Variants in FOXL3 observed in about 807,000 individuals in gnomAD.
The protein encoded by FOXL3 is forkhead box protein L3.
A neutral mutation model predicts 10.9 loss-of-function variants in FOXL3; 16 were observed. The ratio of observed to expected loss-of-function variants is 1.46; its 90% CI spans 0.99 to 2.22. FOXL3 has a LOEUF of 2.22. Ranked by LOEUF, FOXL3 falls within the 30% of genes most tolerant of loss-of-function variation. FOXL3 has a pLI of 0.00. For synonymous variants in FOXL3, 170 were observed against 152.0 expected (o/e 1.12, Z -0.87); for missense variants, 400 against 337.9 (o/e 1.18, Z -1.44).
At position 290,612 on chromosome 7, in the gene FOXL3, G is replaced by T. The variant is rs968353997; in HGVS notation, c.108-41G>T. 3.5e-6 allele frequency: 5 copies of T among 1,414,790 alleles called. No individual in the cohort carries two copies. In the South Asian group the frequency reaches 6.4e-5, roughly 18 times the overall value. The allele number at this position is 1,414,790 out of a possible 1,614,324, so 87.6% of individuals were successfully genotyped here. On this transcript the variant is annotated intron_variant, in intron 1 of 2. Coordinates refer to ENST00000506382, the MANE Select transcript of FOXL3 (RefSeq NM_001374838.1). The stretch of plus-strand genomic sequence containing the variant: ...TGCGGGATGGGGGGAAGGACGGGGG[G>T]CTGCCCGGTGGAGACCCCGCCTGAC...
Position 291,156 on chromosome 7 carries a change from A to T in FOXL3, c.370A>T (p.Asn124Tyr). The T allele has an allele frequency of 7.6e-7, 1 of 1,314,416 alleles. No individual in the cohort carries two copies. Among genetic ancestry groups the T allele is most frequent in the Non-Finnish European group, 9.7e-7 (1 of 1,029,712 alleles). 81.4% of individuals were successfully genotyped at this position (1,314,416 alleles called of 1,614,324 possible). A position where few individuals can be genotyped will look rare whatever the true frequency, so the allele number is the denominator to read the frequency against. ...ESLLDLFENG[N>Y]YRRRRRRRGP... is the part of the protein sequence containing the mutation. ...GCTGCTGGACCTCTTCGAGAACGGCAACTACCGGCGGCGGCGGCGGCGGCG... is the reference window on the plus strand; with the variant it reads ...GCTGCTGGACCTCTTCGAGAACGGCTACTACCGGCGGCGGCGGCGGCGGCG... Residue 124 changes from asparagine (N) to tyrosine (Y), a missense_variant, in exon 3 of 3, where the codon AAC (asparagine) becomes TAC (tyrosine). Coordinates refer to ENST00000506382, the MANE Select transcript of FOXL3 (RefSeq NM_001374838.1).
rs1401955099 is a variant in FOXL3, at chr7:290,259, C to T, written c.90C>T (p.Leu30=). ...PAGSSDEDKR[L]TRPAYSYIAL... ...GCAGCTCCGACGAAGACAAGAGGCT[C>T]ACGCGGCCCGCGTACAGGTGACTGC... is the stretch of plus-strand genomic sequence containing the variant. The change falls in exon 1 of 3, where the codon CTC becomes CTT. Residue 30 remains leucine (L), a synonymous_variant. Transcript: ENST00000506382. 9 of 1,535,780 alleles carry T rather than the reference C, an allele frequency of 5.9e-6. No homozygotes were observed. In the Admixed American group the frequency reaches 9.8e-5, roughly 17 times the overall value.
In FOXL3 at chr7:290,714, G is replaced by A. The variant is rs776179965; in HGVS notation, c.169G>A (p.Gly57Ser). 2.0e-5 allele frequency: 29 copies of A among 1,479,174 alleles called. 1 individual carries two copies. The highest frequency in any genetic ancestry group is 1.4e-5 in the African/African-American group (1 of 70,336). 91.6% of individuals were successfully genotyped at this position (1,479,174 alleles called of 1,614,324 possible). ...QSPAGRVTLS[G>S]IYDFIMRKFP... Reference sequence around the variant, plus strand: ...CCCCGCGGGGAGGGTGACCCTGTCCGGCATCTACGACTTCATCATGCGCAA... The same window carrying A: ...CCCCGCGGGGAGGGTGACCCTGTCCAGCATCTACGACTTCATCATGCGCAA... The change falls in exon 2 of 3, where the codon GGC (glycine) becomes AGC (serine). Residue 57 changes from glycine to serine, a missense_variant. Transcript: ENST00000506382.
At chr7:290,959 G>A (rs1424754899) in intron 2 of FOXL3, 104 bp from the exon 3 acceptor site, 247 of 1,275,914 alleles carry the variant, frequency 1.9e-4, no homozygotes, top group Non-Finnish European at 2.3e-4. Context: ...CTCCACCTGC[G>A]CAGTGCGCCA....
At position 290,678 on chromosome 7, in the gene FOXL3, A is replaced by C; in HGVS notation, c.133A>C (p.Ile45Leu). Reference sequence around the variant, plus strand: ...CTACATCGCCTTGATCGCCATGGCCATTCAGCAGAGCCCCGCGGGGAGGGT... The same window carrying C: ...CTACATCGCCTTGATCGCCATGGCCCTTCAGCAGAGCCCCGCGGGGAGGGT... ...YSYIALIAMAIQQSPAGRVTL... is the reference protein window; with the variant it reads ...YSYIALIAMALQQSPAGRVTL... Residue 45 changes from isoleucine (I) to leucine (L), a missense_variant, in exon 2 of 3, where the codon ATT becomes CTT. Physicochemically the swap from Ile to Leu is conservative, Grantham distance 5. Coordinates refer to ENST00000506382, the MANE Select transcript of FOXL3 (RefSeq NM_001374838.1). The C allele has an allele frequency of 7.0e-7, 1 of 1,436,832 alleles. No homozygotes were observed. Among genetic ancestry groups the C allele is most frequent in the Non-Finnish European group, 9.1e-7 (1 of 1,100,522 alleles). 89.0% of individuals were successfully genotyped at this position (1,436,832 alleles called of 1,614,324 possible). A position where few individuals can be genotyped will look rare whatever the true frequency, so the allele number is the denominator to read the frequency against.
In FOXL3 at chr7:290,232, C is replaced by G; in HGVS notation, c.63C>G (p.Ala21=). 6.5e-7 allele frequency: 1 copy of G among 1,535,966 alleles called. No individual in the cohort carries two copies. The highest frequency in any genetic ancestry group is 8.7e-7 in the Non-Finnish European group (1 of 1,146,796). ...CFNYDADDYP[A]GSSDEDKRLT... is the part of the protein sequence containing the mutation. ...ATTACGACGCCGACGACTACCCCGC[C>G]GGCAGCTCCGACGAAGACAAGAGGC... is the stretch of plus-strand genomic sequence containing the variant. Residue 21 remains alanine, a synonymous_variant, in exon 1 of 3, where the codon GCC becomes GCG. Transcript: ENST00000506382.
intron 1 of FOXL3, 150 bp downstream of exon 1, chr7:290,426 T>A: frequency 1.2e-6 from 1 of 820,696 alleles, no homozygotes; most frequent in Non-Finnish European, 1.9e-6. Context: ...CATTTGTCCC[T>A]ACTTTGGGGA....
In FOXL3 at chr7:291,461, C is replaced by A. The variant is rs141537626; in HGVS notation, c.675C>A (p.Asn225Lys). The A allele has an allele frequency of 0.49, 609,929 of 1,236,322 alleles. 152,461 individuals carry two copies. The highest frequency in any genetic ancestry group is 0.55 in the African/African-American group (35,319 of 64,462). 76.6% of individuals were successfully genotyped at this position (1,236,322 alleles called of 1,614,324 possible). Residue 225 changes from asparagine to lysine, a missense_variant, in exon 3 of 3, where the codon AAC becomes AAA. Coordinates refer to ENST00000506382, the MANE Select transcript of FOXL3 (RefSeq NM_001374838.1). ...AQEGRYPRLE[N>K]VGLHFWTM ...AGGGCAGATACCCGCGGCTGGAGAA[C>A]GTGGGACTCCACTTTTGGACAATGT...
At chr7:290,994 C>G (rs1778633342) in intron 2 of FOXL3, 69 bp from the exon 3 acceptor site, 7 of 1,311,510 alleles carry the variant, frequency 5.3e-6, no homozygotes, top group South Asian at 2.0e-5. Context: ...CAGGGCGCCC[C>G]GAGGGGACAA....
chr7:291,019 C>A, intron 2 of FOXL3, 44 bp from the exon 3 acceptor site: 5 of 1,336,506 alleles, frequency 3.7e-6, no homozygotes, highest in Non-Finnish European at 4.8e-6. Context: ...GGCGGGCGCA[C>A]CGTGCAGCGG....
intron 2 of FOXL3, 110 bp from the exon 3 acceptor site, chr7:290,953 A>C: frequency 7.9e-7 from 1 of 1,273,080 alleles, no homozygotes. Flanking sequence ...GGCCGCCTCC[A>C]CCTGCGCAGT....
At position 290,475 on chromosome 7, in the gene FOXL3, C is replaced by A. The variant is rs186330800; in HGVS notation, c.108-178C>A. Among the ~76,000 whole-genome samples the A allele has an allele frequency of 7.3e-3, 1,110 of 152,230 alleles. 16 individuals carry two copies. The highest frequency in any genetic ancestry group is 0.025 in the African/African-American group (1,053 of 41,542). ...TTCTTGGCCTCGCGGGGAGGGGCCT[C>A]CGCAGGTCGGGAAAGAGCTTCTGGG... On this transcript the variant is annotated intron_variant, in intron 1 of 2. Coordinates refer to ENST00000506382, the MANE Select transcript of FOXL3 (RefSeq NM_001374838.1).
Position 290,683 on chromosome 7 carries a change from G to C in FOXL3, c.138G>C (p.Gln46His). 1 of 1,440,728 alleles carries C rather than the reference G, an allele frequency of 6.9e-7. No homozygotes were observed. Among genetic ancestry groups the C allele is most frequent in the Non-Finnish European group, 9.1e-7 (1 of 1,102,556 alleles). 89.2% of individuals were successfully genotyped at this position (1,440,728 alleles called of 1,614,324 possible). ...SYIALIAMAI[Q>H]QSPAGRVTLS... ...TCGCCTTGATCGCCATGGCCATTCA[G>C]CAGAGCCCCGCGGGGAGGGTGACCC... Residue 46 changes from glutamine (Q) to histidine (H), a missense_variant, in exon 2 of 3, where the codon CAG becomes CAC. Transcript: ENST00000506382.
chr7:291,118 G>A lies in FOXL3; in HGVS notation c.332G>A (p.Gly111Asp), dbSNP rs1342769529. The change falls in exon 3 of 3, where the codon GGC becomes GAC. Residue 111 changes from glycine to aspartate, a missense_variant. By Grantham distance (94) the Gly-to-Asp change is moderately conservative (BLOSUM62 -1). Coordinates refer to ENST00000506382, the MANE Select transcript of FOXL3 (RefSeq NM_001374838.1). ...KGKGNYWTFA[G>D]GCESLLDLFE... Reference sequence around the variant, plus strand: ...AAAGGCAACTACTGGACGTTCGCGGGCGGCTGCGAGTCGCTGCTGGACCTC... The same window carrying A: ...AAAGGCAACTACTGGACGTTCGCGGACGGCTGCGAGTCGCTGCTGGACCTC... 3 of 1,416,116 alleles carry A rather than the reference G, an allele frequency of 2.1e-6. No individual in the cohort carries two copies. The African/African-American group carries it at 4.5e-5, about 21-fold the overall frequency. The allele number at this position is 1,416,116 out of a possible 1,614,324, so 87.7% of individuals were successfully genotyped here.
chr7:290,871 G>T, intron 2 of FOXL3, 50 bp downstream of exon 2: 1 of 1,341,668 alleles, frequency 7.5e-7, no homozygotes, highest in Non-Finnish European at 9.5e-7. Flanking sequence ...GGCGACACCT[G>T]CGCCAGGGCC....
Position 291,271 on chromosome 7 carries a change from G to T in FOXL3, c.485G>T (p.Arg162Leu), listed in dbSNP as rs1215544871. ...GPSEPPAAQG[R>L]LAPDSAGEGA... ...TCCGAGCCGCCCGCCGCTCAGGGGC[G>T]CCTGGCCCCGGACAGCGCTGGCGAG... is the stretch of plus-strand genomic sequence containing the variant. The change falls in exon 3 of 3, where the codon CGC becomes CTC. Residue 162 changes from arginine (R) to leucine (L), a missense_variant. Physicochemically the swap from Arg to Leu is moderately radical, Grantham distance 102. Transcript: ENST00000506382. 5 of 1,203,440 alleles carry T rather than the reference G, an allele frequency of 4.2e-6. No homozygotes were observed. The highest frequency in any genetic ancestry group is 4.4e-5 in the Admixed American group (1 of 22,546). 74.5% of individuals were successfully genotyped at this position (1,203,440 alleles called of 1,614,324 possible).
chr7:290,343 C>T, intron 1 of FOXL3, 67 bp downstream of exon 1: 3 of 1,244,314 alleles, frequency 2.4e-6, no homozygotes, highest in Non-Finnish European at 3.4e-6. Context: ...CCCAGGTAGC[C>T]GGGACCTGCC....
In FOXL3 at chr7:291,049, C is replaced by A; in HGVS notation, c.277-14C>A. ...CAGCGGAGCCGCTCCCAGCCCCTCC[C>A]TCCGCGCGCGCAGGTGCCGCGGTCC... On this transcript the variant is annotated splice_polypyrimidine_tract_variant and intron_variant, in intron 2 of 2. Coordinates refer to ENST00000506382, the MANE Select transcript of FOXL3 (RefSeq NM_001374838.1). 1 of 1,377,264 alleles carries A rather than the reference C, an allele frequency of 7.3e-7. No homozygotes were observed. The highest frequency in any genetic ancestry group is 1.6e-5 in the South Asian group (1 of 63,510). The allele number at this position is 1,377,264 out of a possible 1,614,324, so 85.3% of individuals were successfully genotyped here.
At position 290,251 on chromosome 7, in the gene FOXL3, A is replaced by T. The variant is rs1468052841; in HGVS notation, c.82A>T (p.Lys28Ter). ...DYPAGSSDED[K>*]RLTRPAYSYI... Reference sequence around the variant, plus strand: ...CCCCGCCGGCAGCTCCGACGAAGACAAGAGGCTCACGCGGCCCGCGTACAG... The same window carrying T: ...CCCCGCCGGCAGCTCCGACGAAGACTAGAGGCTCACGCGGCCCGCGTACAG... Residue 28 changes from lysine to a stop codon, truncating the protein, a stop_gained, in exon 1 of 3, where the codon AAG (lysine) becomes TAG (stop). Coordinates refer to ENST00000506382, the MANE Select transcript of FOXL3 (RefSeq NM_001374838.1). LOFTEE classifies it high-confidence loss of function. 2.0e-6 allele frequency: 3 copies of T among 1,535,936 alleles called. No homozygotes were observed. The highest frequency in any genetic ancestry group is 2.6e-6 in the Non-Finnish European group (3 of 1,146,770).
Sources: allele counts gnomAD v4.1 joint callset (sites outside exome capture counted in the v4.1 genomes callset), GRCh38; gene constraint gnomAD v4.1.1; transcripts MANE v1.5; gene names NCBI Gene and HGNC (gene_info 2026-07-23, HGNC 2026-07-21).